Variants in ADCY3 observed in about 807,000 individuals in gnomAD.
ADCY3 encodes the protein adenylate cyclase type 3.
Under a neutral mutation model 119.4 loss-of-function variants are expected in ADCY3, and 70 were observed. The ratio of observed to expected loss-of-function variants is 0.59; its 90% CI spans 0.48 to 0.72. The LOEUF (loss-of-function observed/expected upper bound fraction) is 0.72. Among genes scored for constraint, ADCY3 ranks in the 30% least tolerant of loss-of-function variants. The probability of loss-of-function intolerance (pLI) is 0.00; values close to 1 mark genes in which losing one functional copy is unlikely to be tolerated. For synonymous variants in ADCY3, 672 were observed against 621.4 expected, an observed-to-expected ratio of 1.08 and a Z score of -1.21; for missense variants, 1,238 against 1,541.6, an observed-to-expected ratio of 0.80 and a Z score of 3.30.
intron 8 of ADCY3, among the ~76,000 whole-genome samples, chr2:24,838,139 A>G (rs981338254): frequency 1.4e-5 from 2 of 148,030 alleles, no homozygotes; most frequent in Admixed American, 6.9e-5. Context: ...CATGCAGGAG[A>G]CCCTGAGCCC....
intron 13 of ADCY3, among the ~76,000 whole-genome samples, chr2:24,829,013 C>CTT (rs1311448132): frequency 4.5e-5 from 4 of 87,986 alleles, no homozygotes; most frequent in African/African-American, 1.2e-4. Context: ...TAGACTTATT[C>CTT]TTTTTTTTCT....
intron 3 of ADCY3, among the ~76,000 whole-genome samples, chr2:24,863,811 C>T (rs1235436053): frequency 6.6e-6 from 1 of 152,200 alleles, no homozygotes; most frequent in East Asian, 1.9e-4. Context: ...GAGGATAAGG[C>T]AGGAAACAGC....
At chr2:24,866,987 G>A (rs1361848148) in intron 3 of ADCY3, among the ~76,000 whole-genome samples, 2 of 152,228 alleles carry the variant, frequency 1.3e-5, no homozygotes, top group African/African-American at 4.8e-5. Context: ...GAGGAAAGGA[G>A]CGAATGGGAA....
intron 17 of ADCY3, 33 bp downstream of exon 17, chr2:24,824,345 C>T (rs772758883): frequency 1.9e-6 from 3 of 1,608,080 alleles, no homozygotes; most frequent in East Asian, 2.2e-5. Flanking sequence ...GACAAATGGC[C>T]TCATGGTTCC....
At chr2:24,911,690 AT>A (rs143585984) in intron 2 of ADCY3, among the ~76,000 whole-genome samples, 12,133 of 148,360 alleles carry the variant, frequency 0.082, 1,195 homozygotes, top group African/African-American at 0.24. Context: ...GCCCAGCTGA[AT>A]TTTTTTTGGT....
intron 3 of ADCY3, among the ~76,000 whole-genome samples, chr2:24,851,485 CAG>C (rs1036796285): frequency 2.0e-5 from 3 of 152,150 alleles, no homozygotes; most frequent in Non-Finnish European, 2.9e-5. Flanking sequence ...AGCCTAGGCA[CAG>C]AGAGATGAAG....
rs779296974 is a variant in ADCY3, at chr2:24,872,521, AC to A, written c.825+48del. ...TGGTTCCTCTCCCTCTGACAAGGCC[AC>A]AGTCCCTGAGCCCAAGCTCCAGGCC... On this transcript the variant is annotated intron_variant, in intron 3 of 21. Coordinates refer to ENST00000679454, the MANE Select transcript of ADCY3 (RefSeq NM_004036.5). This position sits in a 1 kb window ranked among gnomAD's most constrained non-coding sequence, Gnocchi z 4.4. 105 of 1,592,758 alleles carry A rather than the reference AC, an allele frequency of 6.6e-5. No individual in the cohort carries two copies. The South Asian group carries it at 1.1e-3, about 17-fold the overall frequency.
intron 21 of ADCY3, chr2:24,820,353 G>A (rs1387223056): frequency 6.0e-6 from 8 of 1,327,484 alleles, no homozygotes; most frequent in Middle Eastern, 2.8e-4. Context: ...TCCTAGGATG[G>A]CCATGGTCAC....
At chr2:24,849,796 C>T (rs1672084780) in intron 3 of ADCY3, among the ~76,000 whole-genome samples, 1 of 152,128 alleles carries the variant, frequency 6.6e-6, no homozygotes, top group South Asian at 2.1e-4. Flanking sequence ...AGGGAGGGGC[C>T]CTCCCCCTGC....
chr2:24,866,706 T>G (rs76533282), intron 3 of ADCY3, among the ~76,000 whole-genome samples: 10,732 of 151,846 alleles, frequency 0.071, 444 homozygotes, highest in East Asian at 0.095. Context: ...AAAAAATAGA[T>G]GACAAAATAG....
intron 3 of ADCY3, among the ~76,000 whole-genome samples, chr2:24,848,111 C>T (rs1010570507): frequency 1.3e-5 from 2 of 152,214 alleles, no homozygotes; most frequent in Non-Finnish European, 2.9e-5. Context: ...CCAAAACTGG[C>T]CATAAACAAA....
chr2:24,883,933 A>G (rs1676708044), intron 2 of ADCY3, among the ~76,000 whole-genome samples: 1 of 152,198 alleles, frequency 6.6e-6, no homozygotes, highest in South Asian at 2.1e-4. Context: ...ACATTTTGAG[A>G]GTAAAACTTT....
intron 2 of ADCY3, among the ~76,000 whole-genome samples, chr2:24,883,684 C>T (rs1676682870): frequency 6.6e-6 from 1 of 152,186 alleles, no homozygotes; most frequent in African/African-American, 2.4e-5. Context: ...CTGAAACTAA[C>T]TTTAGATGAA....
At chr2:24,892,742 A>G (rs192030774) in intron 2 of ADCY3, among the ~76,000 whole-genome samples, 24 of 152,342 alleles carry the variant, frequency 1.6e-4, no homozygotes, top group Admixed American at 1.5e-3. Context: ...CTCTGTCATT[A>G]TGAAATGTCC....
intron 9 of ADCY3, among the ~76,000 whole-genome samples, chr2:24,836,358 C>T (rs72794112): frequency 0.04 from 6,154 of 152,312 alleles, 213 homozygotes; most frequent in East Asian, 0.17. Context: ...GCGGTGAGCC[C>T]GAGCAGGGCA....
In ADCY3 at chr2:24,850,236, A is replaced by C. The variant is rs568081025; in HGVS notation, c.826-7852T>G. Among the ~76,000 whole-genome samples the C allele has an allele frequency of 2.6e-5, 4 of 152,058 alleles. No homozygotes were observed. In the East Asian group the frequency reaches 7.7e-4, roughly 29 times the overall value. On this transcript the variant is annotated intron_variant, in intron 3 of 21. Coordinates refer to ENST00000679454, the MANE Select transcript of ADCY3 (RefSeq NM_004036.5). The stretch of plus-strand genomic sequence containing the variant: ...TGGTGCTGGCCTTGTTTGCCCTTAG[A>C]GTTCAGAGGTTCTAAACCCTTTCCT...
In ADCY3 at chr2:24,918,430, G is replaced by C; in HGVS notation, c.558C>G (p.Ser186Arg). 6.2e-7 allele frequency: 1 copy of C among 1,613,984 alleles called. No homozygotes were observed. Among genetic ancestry groups the C allele is most frequent in the Non-Finnish European group, 8.5e-7 (1 of 1,180,028 alleles). Reference protein sequence around the residue: ...VFSFFITLPLSLSPIVIISVV... With the variant: ...VFSFFITLPLRLSPIVIISVV... The stretch of plus-strand genomic sequence containing the variant: ...CGGAGATGATCACGATGGGGCTGAG[G>C]CTGAGGGGCAGCGTGATGAAGAAGG... The change falls in exon 2 of 22, where the codon AGC (serine) becomes AGG (arginine). Residue 186 changes from serine to arginine, a missense_variant. By Grantham distance (110) the Ser-to-Arg change is moderately radical. Transcript: ENST00000679454. The surrounding 1 kb of genome is among the most constrained non-coding windows in gnomAD (Gnocchi z 5.4).
At chr2:24,909,447 T>C (rs1270909412) in intron 2 of ADCY3, among the ~76,000 whole-genome samples, 3 of 152,164 alleles carry the variant, frequency 2.0e-5, no homozygotes, top group Non-Finnish European at 4.4e-5. Context: ...TCCTGTCACC[T>C]AGGGCAGTGT....
rs1213626321 is a variant in ADCY3, at chr2:24,837,015, T to G, written c.1564A>C (p.Lys522Gln). ...ALPNGAPASS[K>Q]SSSPALIETK... ...TCAATGAGGGCAGGGGAGCTGGACT[T>G]TGAGGAAGCTGGTGCTCCATTGGGC... is the stretch of plus-strand genomic sequence containing the variant. Residue 522 changes from lysine (K) to glutamine (Q), a missense_variant, in exon 9 of 22, where the codon AAG (lysine) becomes CAG (glutamine). By Grantham distance (53) the Lys-to-Gln change is moderately conservative. This residue lies in a region of ADCY3 where 499 missense variants were observed against 571.0 expected (regional missense o/e 0.87). Transcript: ENST00000679454. 1.9e-6 allele frequency: 3 copies of G among 1,614,032 alleles called. No homozygotes were observed. Among genetic ancestry groups the G allele is most frequent in the Non-Finnish European group, 2.5e-6 (3 of 1,179,988 alleles).
Sources: gnomAD v4.1 joint callset for allele counts (sites outside exome capture counted in the v4.1 genomes callset) on GRCh38, gnomAD v4.1.1 for gene constraint, gnomAD v4.1.1 regional missense constraint, Gnocchi (gnomAD v3.1) non-coding constraint, MANE v1.5 for transcripts, NCBI Gene and HGNC (gene_info 2026-07-23, HGNC 2026-07-21) for gene names.